FAT3: variants seen among roughly 807,000 people sequenced by gnomAD.
FAT3 encodes the protein protocadherin Fat 3.
FAT3 carries 95 observed loss-of-function variants against 310.2 expected under a neutral mutation model. That is an observed-to-expected ratio of 0.31 (90% CI 0.26 to 0.36). The LOEUF (loss-of-function observed/expected upper bound fraction) is 0.36, where lower values mean the gene tolerates loss of function less well. FAT3 is among the 10% of genes least tolerant of loss of function. The pLI is 1.00. For missense variants in FAT3, 5,408 were observed against 5,715.6 expected, an observed-to-expected ratio of 0.95 and a Z score of 1.74; for synonymous variants, 2,314 against 2,192.9, an observed-to-expected ratio of 1.06 and a Z score of -1.54.
At chr11:92,558,653 C>G (rs1174991176) in intron 3 of FAT3, among the ~76,000 whole-genome samples, 4 of 152,034 alleles carry the variant, frequency 2.6e-5, no homozygotes, top group Non-Finnish European at 1.5e-5. Context: ...ATTAATAATA[C>G]AAGGACAAAA....
chr11:92,540,966 G>A (rs1293084646), intron 3 of FAT3, among the ~76,000 whole-genome samples: 2 of 152,106 alleles, frequency 1.3e-5, no homozygotes, highest in East Asian at 1.9e-4. Context: ...ATAAAAAGGG[G>A]AAGCAAAGCC....
At chr11:92,478,664 T>A (rs1303137258) in intron 2 of FAT3, among the ~76,000 whole-genome samples, 2 of 152,078 alleles carry the variant, frequency 1.3e-5, no homozygotes, top group African/African-American at 4.8e-5. Context: ...TCCCCGAGGC[T>A]AGAGTGCAGT....
intron 1 of FAT3, among the ~76,000 whole-genome samples, chr11:92,266,602 C>T (rs1325463500): frequency 6.6e-6 from 1 of 152,118 alleles, no homozygotes; most frequent in Admixed American, 6.6e-5. Context: ...CGTCCCTTTC[C>T]ACTCTAACAG....
chr11:92,727,461 A>C (rs2135988911), intron 4 of FAT3, among the ~76,000 whole-genome samples: 1 of 152,248 alleles, frequency 6.6e-6, no homozygotes, highest in Non-Finnish European at 1.5e-5. Context: ...AAAACATGGT[A>C]TGAAATGAGA....
At chr11:92,362,348 C>T (rs937100002) in intron 2 of FAT3, among the ~76,000 whole-genome samples, 8 of 152,166 alleles carry the variant, frequency 5.3e-5, no homozygotes, top group South Asian at 2.1e-4. Context: ...ACTTTATAAT[C>T]GTGTTCAGAG....
At chr11:92,846,290 G>A (rs1027295985) in intron 19 of FAT3, among the ~76,000 whole-genome samples, 1 of 152,124 alleles carries the variant, frequency 6.6e-6, no homozygotes, top group Non-Finnish European at 1.5e-5. Context: ...ATCTGTGAAG[G>A]CAGCAATGTC....
chr11:92,813,968 T>G (rs886096791), intron 13 of FAT3, among the ~76,000 whole-genome samples: 1 of 152,210 alleles, frequency 6.6e-6, no homozygotes, highest in Non-Finnish European at 1.5e-5. Context: ...GATTAGGTCC[T>G]GAGGGCTCTT....
At chr11:92,313,510 T>C (rs1947360016) in intron 1 of FAT3, among the ~76,000 whole-genome samples, 1 of 152,218 alleles carries the variant, frequency 6.6e-6, no homozygotes, top group Non-Finnish European at 1.5e-5. Flanking sequence ...TTTAATGTGT[T>C]ACTGACAATG....
rs371901060 is a variant in FAT3, at chr11:92,831,893, T to C, written c.9753T>C (p.Pro3251=). 145 of 1,612,492 alleles carry C rather than the reference T, an allele frequency of 9.0e-5. No individual in the cohort carries two copies. Among genetic ancestry groups the C allele is most frequent in the Non-Finnish European group, 1.1e-4 (131 of 1,179,372 alleles). ...TGACGGTGCCTGAGGACACCTCCCCTGGCACCCAAGTCCTTGCTGTTTTTG... is the reference window on the plus strand; with the variant it reads ...TGACGGTGCCTGAGGACACCTCCCCCGGCACCCAAGTCCTTGCTGTTTTTG... The part of the protein sequence containing the change: ...YLVTVPEDTS[P]GTQVLAVFAT... The change falls in exon 14 of 28, where the codon CCT becomes CCC. Residue 3251 remains proline (P), a synonymous_variant. Coordinates refer to ENST00000525166, the MANE Select transcript of FAT3 (RefSeq NM_001367949.2).
intron 1 of FAT3, among the ~76,000 whole-genome samples, chr11:92,342,006 A>G (rs1948277805): frequency 6.6e-6 from 1 of 151,770 alleles, no homozygotes; most frequent in Non-Finnish European, 1.5e-5. Context: ...CCATGGATGA[A>G]CTCAGTGTTG....
At chr11:92,345,971 A>G (rs1948406356) in intron 1 of FAT3, among the ~76,000 whole-genome samples, 3 of 152,194 alleles carry the variant, frequency 2.0e-5, no homozygotes, top group Admixed American at 1.3e-4. Flanking sequence ...GAATAATGGC[A>G]TAAGCTAAAT....
chr11:92,406,583 C>T (rs926048486), intron 2 of FAT3: 1 of 152,178 alleles, frequency 6.6e-6, no homozygotes, highest in Non-Finnish European at 1.5e-5. Context: ...AATCTGATAT[C>T]TTTGCTTCGT....
chr11:92,709,256 A>T (rs983042915), intron 4 of FAT3, among the ~76,000 whole-genome samples: 12 of 152,260 alleles, frequency 7.9e-5, no homozygotes, highest in African/African-American at 2.6e-4. Flanking sequence ...TCTAATGGGA[A>T]TTTTTTTATG....
At chr11:92,552,516 A>G (rs1438633833) in intron 3 of FAT3, among the ~76,000 whole-genome samples, 1 of 152,216 alleles carries the variant, frequency 6.6e-6, no homozygotes, top group Non-Finnish European at 1.5e-5. Flanking sequence ...TTGCCAATAA[A>G]ATAGGGAATG....
intron 3 of FAT3, among the ~76,000 whole-genome samples, chr11:92,686,563 A>G (rs1201082721): frequency 6.6e-6 from 1 of 152,216 alleles, no homozygotes; most frequent in Non-Finnish European, 1.5e-5. Context: ...ATGTAAATAT[A>G]AATTTAAGAC....
intron 19 of FAT3, among the ~76,000 whole-genome samples, 159 bp downstream of exon 19, chr11:92,844,891 A>G (rs1403284887): frequency 6.6e-6 from 1 of 152,240 alleles, no homozygotes; most frequent in Non-Finnish European, 1.5e-5. Flanking sequence ...GGGCTGCAGG[A>G]GGTACAGTCC....
intron 1 of FAT3, among the ~76,000 whole-genome samples, chr11:92,267,905 T>G (rs779827201): frequency 4.0e-5 from 6 of 151,888 alleles, no homozygotes; most frequent in Non-Finnish European, 8.8e-5. Context: ...CTCTGGGGAG[T>G]TGGTTTTCAG....
At position 92,613,112 on chromosome 11, in the gene FAT3, A is replaced by G. The variant is rs148396808; in HGVS notation, c.3608-84272A>G. ...TTGGATTCTAAGATCAGAGTTTCCT[A>G]TAGATCATGTTCAAGTATTCAATGG... On this transcript the variant is annotated intron_variant, in intron 3 of 27. Transcript: ENST00000525166. Among the ~76,000 whole-genome samples, 949 of 152,320 alleles carry G rather than the reference A, an allele frequency of 6.2e-3. 4 individuals are homozygous for G. Among genetic ancestry groups the G allele is most frequent in the Non-Finnish European group, 9.6e-3 (654 of 68,024 alleles).
At chr11:92,633,316 T>TA (rs1941627350) in intron 3 of FAT3, among the ~76,000 whole-genome samples, 1 of 152,180 alleles carries the variant, frequency 6.6e-6, no homozygotes, top group African/African-American at 2.4e-5. Context: ...CTTTTTTTTT[T>TA]ATCTGATGGA....
Sources: gnomAD v4.1 joint callset for allele counts (sites outside exome capture counted in the v4.1 genomes callset) on GRCh38, gnomAD v4.1.1 for gene constraint, MANE v1.5 for transcripts, NCBI Gene and HGNC (gene_info 2026-07-23, HGNC 2026-07-21) for gene names.